The following TOMM70 variants were observed in gnomAD, a reference collection of about 807,000 sequenced individuals.
TOMM70 encodes mitochondrial import receptor subunit TOM70.
TOMM70 carries 13 observed loss-of-function variants against 73.6 expected under a neutral mutation model. The ratio of observed to expected loss-of-function variants is 0.18; its 90% CI spans 0.11 to 0.28. The LOEUF is 0.28. TOMM70 is among the 10% of genes least tolerant of loss of function. The pLI, the probability that TOMM70 is intolerant of heterozygous loss-of-function variation, is 1.00. For missense variants in TOMM70, 609 were observed against 747.5 expected, an observed-to-expected ratio of 0.81 and a Z score of 2.16; for synonymous variants, 257 against 271.2, an observed-to-expected ratio of 0.95 and a Z score of 0.51.
In TOMM70 at chr3:100,367,389, C is replaced by T. The variant is rs1706457132; in HGVS notation, c.1673+655G>A. Among the ~76,000 whole-genome samples the T allele has an allele frequency of 2.0e-5, 3 of 152,172 alleles. No individual in the cohort carries two copies. In the South Asian group the frequency reaches 6.2e-4, roughly 32 times the overall value. ...TAAGAAAACTCATGCTGCTTCCTGA[C>T]AAGTGATAATGCCAAGATCAGTGAC... is the stretch of plus-strand genomic sequence containing the variant. On this transcript the variant is annotated intron_variant, in intron 11 of 11. Transcript: ENST00000284320.
intron 1 of TOMM70, among the ~76,000 whole-genome samples, chr3:100,389,858 G>A (rs1231812227): frequency 7.2e-5 from 11 of 152,038 alleles, no homozygotes; most frequent in Admixed American, 6.6e-4. Context: ...CCTGGCCAAC[G>A]TGGTGAAACC....
Position 100,379,407 on chromosome 3 carries a change from T to G in TOMM70, c.885-1495A>C, listed in dbSNP as rs369641517. ...GGAAGGCTAACGTGGGAGGATCACCTGGGCCCAGGAGTTCAAGACCAGCCG... is the reference window on the plus strand; with the variant it reads ...GGAAGGCTAACGTGGGAGGATCACCGGGGCCCAGGAGTTCAAGACCAGCCG... On this transcript the variant is annotated intron_variant, in intron 5 of 11. Coordinates refer to ENST00000284320, the MANE Select transcript of TOMM70 (RefSeq NM_014820.5). 9.6e-4 allele frequency among the ~76,000 whole-genome samples: 146 copies of G among 152,270 alleles called. 2 individuals carry two copies. In the South Asian group the frequency reaches 0.029, roughly 30 times the overall value.
intron 4 of TOMM70, among the ~76,000 whole-genome samples, chr3:100,383,223 T>C (rs1247532765): frequency 6.6e-6 from 1 of 151,802 alleles, no homozygotes; most frequent in East Asian, 1.9e-4. Flanking sequence ...AAAAAATCCA[T>C]GGTTTAAAGA....
chr3:100,372,347 C>T (rs539137858), intron 9 of TOMM70: 26 of 338,704 alleles, frequency 7.7e-5, no homozygotes, highest in Admixed American at 5.6e-4. Flanking sequence ...TTTGCAAAAC[C>T]AATCCAAATG....
intron 1 of TOMM70, among the ~76,000 whole-genome samples, chr3:100,391,149 A>T (rs1706756297): frequency 6.6e-6 from 1 of 152,232 alleles, no homozygotes; most frequent in South Asian, 2.1e-4. Context: ...TCAAAAAAAA[A>T]AGTATAGCAA....
At chr3:100,394,360 T>TTTTTCTTTTC (rs1204813543) in intron 1 of TOMM70, among the ~76,000 whole-genome samples, 4 of 121,742 alleles carry the variant, frequency 3.3e-5, no homozygotes, top group East Asian at 8.7e-4. Flanking sequence ...CAACTGTTAC[T>TTTTTCTTTTC]TTTTCTTTTT....
intron 1 of TOMM70, among the ~76,000 whole-genome samples, chr3:100,399,733 C>CTTTTTT (rs1706866946): frequency 7.2e-6 from 1 of 139,708 alleles, no homozygotes; most frequent in African/African-American, 2.7e-5. Context: ...AAGTCACTCC[C>CTTTTTT]ATTTTTTTTT....
rs1209955163 is a variant in TOMM70, at chr3:100,365,192, C to T, written c.*372G>A. 1 of 164,884 alleles carries T rather than the reference C, an allele frequency of 6.1e-6. No individual in the cohort carries two copies. Among genetic ancestry groups the T allele is most frequent in the Non-Finnish European group, 1.3e-5 (1 of 76,452 alleles). 10.2% of individuals were successfully genotyped at this position (164,884 alleles called of 1,614,324 possible). ...AAATCAACATGCTGTAAAATACTTA[C>T]ATTATTCACACATATATAGACGGAA... On this transcript the variant is annotated 3_prime_UTR_variant, in exon 12 of 12. Transcript: ENST00000284320.
At chr3:100,380,618 G>A (rs1348087677) in intron 5 of TOMM70, among the ~76,000 whole-genome samples, 1 of 152,112 alleles carries the variant, frequency 6.6e-6, no homozygotes, top group Non-Finnish European at 1.5e-5. Context: ...TAGAATAATG[G>A]TATTAAATTC....
chr3:100,377,086 GA>G (rs1412921436), intron 6 of TOMM70, among the ~76,000 whole-genome samples: 20 of 152,274 alleles, frequency 1.3e-4, no homozygotes, highest in South Asian at 6.2e-4. Flanking sequence ...ATGCAATGAG[GA>G]AACAGGTCAC....
chr3:100,394,407 G>T (rs1360337441), intron 1 of TOMM70, among the ~76,000 whole-genome samples: 1 of 147,406 alleles, frequency 6.8e-6, no homozygotes, highest in East Asian at 2.0e-4. Flanking sequence ...GTCGCCCAGG[G>T]GGGCACGATG....
intron 1 of TOMM70, among the ~76,000 whole-genome samples, chr3:100,391,586 G>A (rs1375401023): frequency 2.6e-5 from 4 of 152,204 alleles, no homozygotes; most frequent in African/African-American, 9.7e-5. Context: ...TGTACAATGT[G>A]CTTGTGTTTT....
At chr3:100,387,599 GACACACACACACACACACACAC>G (rs71752325) in intron 1 of TOMM70, among the ~76,000 whole-genome samples, 2 of 118,188 alleles carry the variant, frequency 1.7e-5, no homozygotes, top group African/African-American at 3.2e-5. Context: ...CACAGACACA[GACACACACACACACACACACAC>G]ACACACACAC....
chr3:100,398,514 A>G (rs1257770962), intron 1 of TOMM70, among the ~76,000 whole-genome samples: 1 of 152,178 alleles, frequency 6.6e-6, no homozygotes, highest in Non-Finnish European at 1.5e-5. Flanking sequence ...CTAAATTAAC[A>G]AACGAAATAG....
chr3:100,396,655 A>T (rs754682821), intron 1 of TOMM70, among the ~76,000 whole-genome samples: 27 of 152,010 alleles, frequency 1.8e-4, no homozygotes, highest in Middle Eastern at 3.4e-3. Context: ...GCAATTTAAA[A>T]TTTTTTTTTA....
chr3:100,398,300 C>T (rs953007396), intron 1 of TOMM70, among the ~76,000 whole-genome samples: 2 of 148,650 alleles, frequency 1.3e-5, no homozygotes, highest in Non-Finnish European at 3.0e-5. Context: ...AGGAGAACTG[C>T]TTGAACTCAG....
At chr3:100,370,636 A>G (rs927695298) in intron 9 of TOMM70, among the ~76,000 whole-genome samples, 1 of 152,222 alleles carries the variant, frequency 6.6e-6, no homozygotes, top group African/African-American at 2.4e-5. Flanking sequence ...AAAAAGTTAC[A>G]CTAAGTATAT....
Position 100,382,490 on chromosome 3 carries a change from TGG to T in TOMM70, c.736-729_736-728del, listed in dbSNP as rs1313815794. ...CCCATATTGATCTGTGGGCACTCTCTGGGGAGAGATTCAATTCGTTTTAATTT... is the reference window on the plus strand; with the variant it reads ...CCCATATTGATCTGTGGGCACTCTCTGGAGAGATTCAATTCGTTTTAATTT... On this transcript the variant is annotated intron_variant, in intron 4 of 11. Transcript: ENST00000284320. 2.0e-5 allele frequency among the ~76,000 whole-genome samples: 3 copies of T among 152,210 alleles called. No individual in the cohort carries two copies. In the East Asian group the frequency reaches 5.8e-4, roughly 29 times the overall value.
chr3:100,377,008 T>G (rs994624617), intron 6 of TOMM70, among the ~76,000 whole-genome samples: 19 of 150,286 alleles, frequency 1.3e-4, no homozygotes, highest in African/African-American at 3.7e-4. Flanking sequence ...TAACAATATT[T>G]AGGTCTTAAA....
Sources: allele counts gnomAD v4.1 joint callset (sites outside exome capture counted in the v4.1 genomes callset), GRCh38; gene constraint gnomAD v4.1.1; transcripts MANE v1.5; gene names NCBI Gene and HGNC (gene_info 2026-07-23, HGNC 2026-07-21).